P3H2: variants seen among roughly 807,000 people sequenced by gnomAD.
The protein encoded by P3H2 is prolyl 3-hydroxylase 2.
P3H2 carries 80 observed loss-of-function variants against 87.0 expected under a neutral mutation model. That is an observed-to-expected ratio of 0.92 (90% CI 0.77 to 1.11). The LOEUF (loss-of-function observed/expected upper bound fraction) is 1.11, where lower values mean the gene tolerates loss of function less well. Ranked by LOEUF, P3H2 falls within the 50% of genes least tolerant of loss-of-function variation. The probability of loss-of-function intolerance (pLI) is 0.00; values close to 1 mark genes in which losing one functional copy is unlikely to be tolerated. For synonymous variants in P3H2, 367 were observed against 359.3 expected, an observed-to-expected ratio of 1.02 and a Z score of -0.24; for missense variants, 1,001 against 923.9, an observed-to-expected ratio of 1.08 and a Z score of -1.08.
intron 1 of P3H2, among the ~76,000 whole-genome samples, chr3:190,052,149 T>C (rs1423188075): frequency 6.6e-6 from 1 of 152,174 alleles, no homozygotes; most frequent in Non-Finnish European, 1.5e-5. Flanking sequence ...GGTATACATG[T>C]GCCGTGGTGG....
intron 1 of P3H2, among the ~76,000 whole-genome samples, chr3:190,067,430 T>G (rs1726548020): frequency 6.6e-6 from 1 of 152,094 alleles, no homozygotes; most frequent in Admixed American, 6.6e-5. Flanking sequence ...TTACTAAGTA[T>G]TTCCCTCATA....
chr3:190,023,560 A>T (rs528228673), intron 1 of P3H2, among the ~76,000 whole-genome samples: 6 of 152,306 alleles, frequency 3.9e-5, no homozygotes, highest in African/African-American at 1.4e-4. Flanking sequence ...CTATCAGGAG[A>T]ACAGCATGGG....
chr3:190,120,554 A>G lies in P3H2; in HGVS notation c.178T>C (p.Tyr60His). The G allele has an allele frequency of 2.0e-6, 3 of 1,528,420 alleles. No individual in the cohort carries two copies. The highest frequency in any genetic ancestry group is 2.4e-5 in the South Asian group (2 of 82,674). The allele number at this position is 1,528,420 out of a possible 1,614,324, so 94.7% of individuals were successfully genotyped here. A position where few individuals can be genotyped will look rare whatever the true frequency, so the allele number is the denominator to read the frequency against. The change falls in exon 1 of 15, where the codon TAC becomes CAC. Residue 60 changes from tyrosine to histidine, a missense_variant. By Grantham distance (83) the Tyr-to-His change is moderately conservative. Coordinates refer to ENST00000319332, the MANE Select transcript of P3H2 (RefSeq NM_018192.4). ...TCCAAGTCGCGCACCGCTCGCTCGT[A>G]GTCTCCGCTGTAGTAGGCGGCCGCG... ...SGAAAYYSGD[Y>H]ERAVRDLEAA...
chr3:190,068,868 A>G (rs1420905252), intron 1 of P3H2, among the ~76,000 whole-genome samples: 1 of 152,220 alleles, frequency 6.6e-6, no homozygotes, highest in African/African-American at 2.4e-5. Context: ...AAACCAATAT[A>G]TAATTTATAA....
At position 189,956,796 on chromosome 3, in the gene P3H2, TGAG is replaced by T. The variant is rs1335121065; in HGVS notation, c.*1113_*1115del. ...AAATCTGTGTGCTGGATAGCAGCAATGAGGAGGGGCCCCCAAAATATAAGCAGA... is the reference window on the plus strand; with the variant it reads ...AAATCTGTGTGCTGGATAGCAGCAATGAGGGGCCCCCAAAATATAAGCAGA... On this transcript the variant is annotated 3_prime_UTR_variant, in exon 15 of 15. Transcript: ENST00000319332. 1.2e-5 allele frequency: 3 copies of T among 244,468 alleles called. No individual in the cohort carries two copies. The highest frequency in any genetic ancestry group is 2.3e-5 in the Non-Finnish European group (3 of 129,060). The allele number at this position is 244,468 out of a possible 1,614,324, so 15.1% of individuals were successfully genotyped here. A position where few individuals can be genotyped will look rare whatever the true frequency, so the allele number is the denominator to read the frequency against.
At position 189,972,772 on chromosome 3, in the gene P3H2, G is replaced by A. The variant is rs6444410; in HGVS notation, c.1699+102C>T. 0.015 allele frequency: 19,040 copies of A among 1,256,982 alleles called. 2,064 individuals carry two copies. In the African/African-American group the frequency reaches 0.24, roughly 16 times the overall value. 77.9% of individuals were successfully genotyped at this position (1,256,982 alleles called of 1,614,324 possible). A position where few individuals can be genotyped will look rare whatever the true frequency, so the allele number is the denominator to read the frequency against. ...CTTTTGTTTTGGAAATCTAGAATTC[G>A]TCTAAAATATTAATCTACCATGCTG... On this transcript the variant is annotated intron_variant, in intron 11 of 14. Coordinates refer to ENST00000319332, the MANE Select transcript of P3H2 (RefSeq NM_018192.4).
intron 1 of P3H2, among the ~76,000 whole-genome samples, chr3:190,041,020 C>CTATATATATATATA (rs71635315): frequency 4.9e-4 from 26 of 52,586 alleles, no homozygotes; most frequent in South Asian, 2.1e-3. Flanking sequence ...CATGGCTCTA[C>CTATATATATATATA]TATATATATA....
chr3:190,048,497 A>C (rs1436111274), intron 1 of P3H2, among the ~76,000 whole-genome samples: 1 of 152,190 alleles, frequency 6.6e-6, no homozygotes, highest in African/African-American at 2.4e-5. Flanking sequence ...AATGCCAAAA[A>C]ATAGTTTTGA....
intron 4 of P3H2, among the ~76,000 whole-genome samples, chr3:189,988,393 ATG>A (rs1371047457): frequency 1.3e-5 from 2 of 151,528 alleles, no homozygotes; most frequent in African/African-American, 4.8e-5. Flanking sequence ...GTGTATATAT[ATG>A]TGTGTGTGTG....
intron 13 of P3H2, among the ~76,000 whole-genome samples, 174 bp downstream of exon 13, chr3:189,970,642 A>G (rs543848172): frequency 6.6e-6 from 1 of 152,266 alleles, no homozygotes; most frequent in East Asian, 1.9e-4. Flanking sequence ...AACGTACTAG[A>G]TTTTTATGGA....
chr3:190,009,900 G>A (rs1270918914), intron 1 of P3H2, among the ~76,000 whole-genome samples: 1 of 152,160 alleles, frequency 6.6e-6, no homozygotes, highest in East Asian at 1.9e-4. Flanking sequence ...GTGAGTAGAG[G>A]AAGTACTGTG....
rs77684858 is a variant in P3H2 at position 190,055,902 on chromosome 3, C to T, written c.481-60460G>A. 1.4e-3 allele frequency among the ~76,000 whole-genome samples: 208 copies of T among 152,222 alleles called. 1 individual carries two copies. The highest frequency in any genetic ancestry group is 4.9e-3 in the African/African-American group (203 of 41,548). ...TAATTGGGATTTACTTGTGTGTTTACTTGTACTATGGACTGTTCGTGTCCA... is the reference window on the plus strand; with the variant it reads ...TAATTGGGATTTACTTGTGTGTTTATTTGTACTATGGACTGTTCGTGTCCA... On this transcript the variant is annotated intron_variant, in intron 1 of 14. Transcript: ENST00000319332.
rs191659287 is a variant in P3H2 at position 190,032,548 on chromosome 3, T to C, written c.481-37106A>G. On this transcript the variant is annotated intron_variant, in intron 1 of 14. Transcript: ENST00000319332. ...AGAAGAGGAAATGCAGGCAAGCAGG[T>C]TGGCTCACAACACATGAAGGTCAAC... Among the ~76,000 whole-genome samples the C allele has an allele frequency of 2.6e-5, 4 of 152,260 alleles. No individual in the cohort carries two copies. The East Asian group carries it at 7.7e-4, about 29-fold the overall frequency.
chr3:189,969,562 C>T, intron 13 of P3H2: 4 of 1,282,292 alleles, frequency 3.1e-6, no homozygotes, highest in Non-Finnish European at 4.6e-6. Flanking sequence ...GTTGAATCTC[C>T]TCCCTCAAGG....
At position 190,012,472 on chromosome 3, in the gene P3H2, T is replaced by TCGTG. The variant is rs1279064948; in HGVS notation, c.481-17034_481-17031dup. On this transcript the variant is annotated intron_variant, in intron 1 of 14. Transcript: ENST00000319332. The stretch of plus-strand genomic sequence containing the variant: ...GACTCACAAGCTCTTGCCTGACTGC[T>TCGTG]CGTGGTTTACCTGCTCAGACTTAAA... Among the ~76,000 whole-genome samples, 4 of 152,190 alleles carry TCGTG rather than the reference T, an allele frequency of 2.6e-5. No homozygotes were observed. The East Asian group carries it at 7.7e-4, about 29-fold the overall frequency.
chr3:190,001,075 C>T (rs2108928101), intron 1 of P3H2, among the ~76,000 whole-genome samples: 1 of 152,240 alleles, frequency 6.6e-6, no homozygotes, highest in East Asian at 1.9e-4. Flanking sequence ...CCCATCCTTG[C>T]TCTAACAATG....
Position 190,120,664 on chromosome 3 carries a change from C to A in P3H2, c.68G>T (p.Trp23Leu). The A allele has an allele frequency of 6.6e-7, 1 of 1,524,224 alleles. No individual in the cohort carries two copies. Among genetic ancestry groups the A allele is most frequent in the Non-Finnish European group, 8.8e-7 (1 of 1,142,764 alleles). The allele number at this position is 1,524,224 out of a possible 1,614,324, so 94.4% of individuals were successfully genotyped here. ...GCGTGGGCTGTCCGGGGGGCCGCCC[C>A]ACAGTGGCGGCGGCAGTAGCAGCGG... ...LLPLLLPPPL[W>L]GGPPDSPRRE... Residue 23 changes from tryptophan (W) to leucine (L), a missense_variant, in exon 1 of 15, where the codon TGG (tryptophan) becomes TTG (leucine). Coordinates refer to ENST00000319332, the MANE Select transcript of P3H2 (RefSeq NM_018192.4).
At chr3:189,977,772 T>A (rs1443985642) in intron 8 of P3H2, among the ~76,000 whole-genome samples, 1 of 151,906 alleles carries the variant, frequency 6.6e-6, no homozygotes, top group Non-Finnish European at 1.5e-5. Context: ...AGTTTATTTT[T>A]TTTTTTGTCA....
chr3:190,065,402 C>T (rs560814982), intron 1 of P3H2, among the ~76,000 whole-genome samples: 3 of 152,170 alleles, frequency 2.0e-5, no homozygotes, highest in Middle Eastern at 3.4e-3. Flanking sequence ...TTGTTGAAGA[C>T]GTCAGAGGAA....
Sources: allele counts gnomAD v4.1 joint callset (sites outside exome capture counted in the v4.1 genomes callset), GRCh38; gene constraint gnomAD v4.1.1; transcripts MANE v1.5; gene names NCBI Gene and HGNC (gene_info 2026-07-23, HGNC 2026-07-21).